Variants in PRH2 observed in about 807,000 individuals in gnomAD.
PRH2 encodes the protein salivary acidic proline-rich phosphoprotein 1/2.
A neutral mutation model predicts 22.6 loss-of-function variants in PRH2; 19 were observed. The observed-to-expected ratio is 0.84, with a 90% CI of 0.59 to 1.23. The LOEUF is 1.23. Ranked by LOEUF, PRH2 falls within the 50% of genes most tolerant of loss-of-function variation. The pLI is 0.00. For missense variants in PRH2, 109 were observed against 203.0 expected (o/e 0.54, Z 2.81); for synonymous variants, 45 against 72.0 (o/e 0.63, Z 1.90).
At chr12:10,929,649 G>T (rs1224021669) in intron 1 of PRH2, among the ~76,000 whole-genome samples, 1 of 152,196 alleles carries the variant, frequency 6.6e-6, no homozygotes, top group African/African-American at 2.4e-5. Flanking sequence ...GTGCAGCTGT[G>T]AAGATCCTAT....
chr12:10,933,161 T>C lies in PRH2; in HGVS notation c.*954T>C, dbSNP rs1185762657. 6.6e-6 allele frequency among the ~76,000 whole-genome samples: 1 copy of C among 152,104 alleles called. No individual in the cohort carries two copies. The highest frequency in any genetic ancestry group is 6.5e-5 in the Admixed American group (1 of 15,268). ...AAGCTTAAACAAGTGTTTTAAAAGATGAGTTTTTCCTACATTCTGAAAAGC... is the reference window on the plus strand; with the variant it reads ...AAGCTTAAACAAGTGTTTTAAAAGACGAGTTTTTCCTACATTCTGAAAAGC... On this transcript the variant is annotated 3_prime_UTR_variant, in exon 4 of 4. Transcript: ENST00000396400.
At chr12:10,932,013 T>A (rs569524469) in intron 3 of PRH2, among the ~76,000 whole-genome samples, 6 of 152,176 alleles carry the variant, frequency 3.9e-5, no homozygotes, top group Non-Finnish European at 8.8e-5. Flanking sequence ...ACAATAATCG[T>A]TTTTCGTCCT....
At chr12:10,930,218 C>T (rs754210247) in intron 1 of PRH2, 51 bp from the exon 2 acceptor site, 34 of 1,587,186 alleles carry the variant, frequency 2.1e-5, no homozygotes, top group Admixed American at 6.7e-5. Context: ...ACTATGAGCT[C>T]TGAATGATTC....
At chr12:10,930,387 CCTTGT>C (rs1489873753) in intron 2 of PRH2, 83 bp downstream of exon 2, 1 of 1,545,652 alleles carries the variant, frequency 6.5e-7, no homozygotes, top group Non-Finnish European at 8.9e-7. Context: ...TTCTTATCAT[CCTTGT>C]CAGGAATTGG....
In PRH2 at chr12:10,933,441, T is replaced by G. The variant is rs1311846783; in HGVS notation, c.*1234T>G. On this transcript the variant is annotated 3_prime_UTR_variant, in exon 4 of 4. Transcript: ENST00000396400. ...ATACCCCAAGTTCTTGAAAAAAAAT[T>G]TTTTGATATGACTACTCTAACAGTA... Among the ~76,000 whole-genome samples, 1 of 151,988 alleles carries G rather than the reference T, an allele frequency of 6.6e-6. No individual in the cohort carries two copies. Among genetic ancestry groups the G allele is most frequent in the Non-Finnish European group, 1.5e-5 (1 of 67,932 alleles).
rs1396487031 is a variant in PRH2 at position 10,929,482 on chromosome 12, G to T, written c.64+145G>T. ...CATGCCAAGGATCAGAAGACCTGTT[G>T]TGCCTTCATTCCTCATCAAGACCTC... On this transcript the variant is annotated intron_variant, in intron 1 of 3. Transcript: ENST00000396400. 31 of 964,410 alleles carry T rather than the reference G, an allele frequency of 3.2e-5. No individual in the cohort carries two copies. The Middle Eastern group carries it at 6.5e-4, about 20-fold the overall frequency. The allele number at this position is 964,410 out of a possible 1,614,324, so 59.7% of individuals were successfully genotyped here.
chr12:10,929,333 T>C lies in PRH2; in HGVS notation c.60T>C (p.Asp20=). Residue 20 remains aspartate (D), a synonymous_variant, in exon 1 of 4, where the codon GAT becomes GAC. Transcript: ENST00000396400. ...CCTTCAGCTCAGCTCAGGACTTAGA[T>C]GAAGGTAAGCCGAATTGGGGGAAGA... ...LLAFSSAQDL[D]EDVSQEDVPL... is the part of the protein sequence containing the mutation. 6.2e-7 allele frequency: 1 copy of C among 1,614,056 alleles called. No homozygotes were observed. Among genetic ancestry groups the C allele is most frequent in the Non-Finnish European group, 8.5e-7 (1 of 1,180,004 alleles).
intron 3 of PRH2, among the ~76,000 whole-genome samples, chr12:10,931,636 A>C (rs1478674191): frequency 6.6e-6 from 1 of 152,192 alleles, no homozygotes; most frequent in Non-Finnish European, 1.5e-5. Context: ...TACCCTTACC[A>C]AAACTCCCAC....
rs1270825250 is a variant in PRH2, at chr12:10,934,021, GT to G, written c.*1817del. Among the ~76,000 whole-genome samples, 2 of 152,178 alleles carry G rather than the reference GT, an allele frequency of 1.3e-5. No homozygotes were observed. The highest frequency in any genetic ancestry group is 3.9e-4 in the East Asian group (2 of 5,184). The stretch of plus-strand genomic sequence containing the variant: ...TAAAATAAAATTTAATACAATAGCC[GT>G]TTATTAATTCAACTTCTAAAGAATC... On this transcript the variant is annotated 3_prime_UTR_variant, in exon 4 of 4. Transcript: ENST00000396400.
intron 1 of PRH2, among the ~76,000 whole-genome samples, chr12:10,929,804 C>T (rs1161696402): frequency 6.6e-6 from 1 of 152,144 alleles, no homozygotes. Context: ...TAGAGAATCA[C>T]CAGAGTGAAA....
rs1157461639 is a variant in PRH2 at position 10,931,014 on chromosome 12, C to T, written c.453C>T (p.Pro151=). The T allele has an allele frequency of 3.8e-6, 6 of 1,593,548 alleles. No homozygotes were observed. Among genetic ancestry groups the T allele is most frequent in the Non-Finnish European group, 1.7e-6 (2 of 1,171,654 alleles). Residue 151 remains proline, a synonymous_variant, in exon 3 of 4, where the codon CCC becomes CCT. Coordinates refer to ENST00000396400, the MANE Select transcript of PRH2 (RefSeq NM_001110213.1). ...CTGGAAAGCCCCAGGGACCACCTCC[C>T]CAAGGGGGCCGCCCACAAGGACCTC... ...PPPGKPQGPP[P]QGGRPQGPPQ...
Position 10,933,476 on chromosome 12 carries a change from A to G in PRH2, c.*1269A>G, listed in dbSNP as rs1950242596. Among the ~76,000 whole-genome samples, 1 of 152,038 alleles carries G rather than the reference A, an allele frequency of 6.6e-6. No homozygotes were observed. The highest frequency in any genetic ancestry group is 1.5e-5 in the Non-Finnish European group (1 of 67,944). On this transcript the variant is annotated 3_prime_UTR_variant, in exon 4 of 4. Coordinates refer to ENST00000396400, the MANE Select transcript of PRH2 (RefSeq NM_001110213.1). Reference sequence around the variant, plus strand: ...GACTACTCTAACAGTAATAACTATAAATCTCACTTTAAATAATTTAAAACA... The same window carrying G: ...GACTACTCTAACAGTAATAACTATAGATCTCACTTTAAATAATTTAAAACA...
chr12:10,930,115 C>A (rs1371184941), intron 1 of PRH2, among the ~76,000 whole-genome samples, 154 bp from the exon 2 acceptor site: 1 of 152,180 alleles, frequency 6.6e-6, no homozygotes, highest in Non-Finnish European at 1.5e-5. Flanking sequence ...TCCCTTACAT[C>A]TTCTTCCACT....
At position 10,930,730 on chromosome 12, in the gene PRH2, C is replaced by G. The variant is rs751293656; in HGVS notation, c.169C>G (p.Gln57Glu). Residue 57 changes from glutamine (Q) to glutamate (E), a missense_variant, in exon 3 of 4, where the codon CAA (glutamine) becomes GAA (glutamate). This residue lies in a region of PRH2 where 14 missense variants were observed against 31.0 expected (regional missense o/e 0.45). Transcript: ENST00000396400. Reference sequence around the variant, plus strand: ...ACCACCTTTGGGAGGACAGCAATCTCAACCCTCTGCTGGTGATGGGAACCA... The same window carrying G: ...ACCACCTTTGGGAGGACAGCAATCTGAACCCTCTGCTGGTGATGGGAACCA... ...QGPPLGGQQS[Q>E]PSAGDGNQND... is the part of the protein sequence containing the mutation. The G allele has an allele frequency of 6.2e-7, 1 of 1,613,718 alleles. No homozygotes were observed. The highest frequency in any genetic ancestry group is 8.5e-7 in the Non-Finnish European group (1 of 1,179,798).
rs549257597 is a variant in PRH2 at position 10,933,440 on chromosome 12, T to A, written c.*1233T>A. 3.3e-5 allele frequency among the ~76,000 whole-genome samples: 5 copies of A among 151,958 alleles called. No individual in the cohort carries two copies. Among genetic ancestry groups the A allele is most frequent in the Non-Finnish European group, 7.4e-5 (5 of 67,890 alleles). On this transcript the variant is annotated 3_prime_UTR_variant, in exon 4 of 4. Transcript: ENST00000396400. ...AATACCCCAAGTTCTTGAAAAAAAA[T>A]TTTTTGATATGACTACTCTAACAGT... is the stretch of plus-strand genomic sequence containing the variant.
At chr12:10,930,181 A>G in intron 1 of PRH2, 88 bp from the exon 2 acceptor site, 1 of 1,458,212 alleles carries the variant, frequency 6.9e-7, no homozygotes, top group Non-Finnish European at 9.6e-7. Context: ...ACAGGGTGTG[A>G]TCAGAGGTCC....
Position 10,933,062 on chromosome 12 carries a change from C to A in PRH2, c.*855C>A, listed in dbSNP as rs1950236351. Among the ~76,000 whole-genome samples the A allele has an allele frequency of 1.3e-5, 2 of 151,616 alleles. No individual in the cohort carries two copies. Among genetic ancestry groups the A allele is most frequent in the Admixed American group, 1.3e-4 (2 of 15,222 alleles). ...TAACAGTAATAACTTCTTGAAAATC[C>A]AATAAAATTGGCAAAAGATTGTGAA... On this transcript the variant is annotated 3_prime_UTR_variant, in exon 4 of 4. Transcript: ENST00000396400.
Position 10,934,156 on chromosome 12 carries a change from A to G in PRH2, c.*1949A>G, listed in dbSNP as rs1294532094. Among the ~76,000 whole-genome samples the G allele has an allele frequency of 1.3e-5, 2 of 152,176 alleles. No homozygotes were observed. Among genetic ancestry groups the G allele is most frequent in the Non-Finnish European group, 1.5e-5 (1 of 68,008 alleles). On this transcript the variant is annotated 3_prime_UTR_variant, in exon 4 of 4. Coordinates refer to ENST00000396400, the MANE Select transcript of PRH2 (RefSeq NM_001110213.1). ...TTTTAATGCCATTGTGATAGCAAGC[A>G]TCTGATTATTTTACTCTAAGTTATT...
chr12:10,930,292 T>C lies in PRH2; in HGVS notation c.88T>C (p.Leu30=), dbSNP rs1130411. ...AGATGTCAGCCAAGAAGACGTTCCC[T>C]TGGTAATATCAGGTAAATCCCAATA... ...DEDVSQEDVP[L]VISDGGDSEQ... Residue 30 remains leucine (L), a synonymous_variant, in exon 2 of 4, where the codon TTG becomes CTG. Transcript: ENST00000396400. The C allele has an allele frequency of 6.2e-7, 1 of 1,613,334 alleles. No homozygotes were observed.
Sources: allele counts gnomAD v4.1 joint callset (sites outside exome capture counted in the v4.1 genomes callset), GRCh38; gene constraint gnomAD v4.1.1; regional missense constraint gnomAD v4.1.1; transcripts MANE v1.5; gene names NCBI Gene and HGNC (gene_info 2026-07-23, HGNC 2026-07-21).